PITPNC1: variants seen among roughly 807,000 people sequenced by gnomAD.
PITPNC1 encodes the protein phosphatidylinositol transfer protein cytoplasmic 1.
A neutral mutation model predicts 44.7 loss-of-function variants in PITPNC1; 18 were observed. The ratio of observed to expected loss-of-function variants is 0.40; its 90% confidence interval spans 0.28 to 0.60. The LOEUF is 0.60. PITPNC1 is among the 20% of genes least tolerant of loss of function. The pLI is 0.39. For missense variants in PITPNC1, 290 were observed against 418.4 expected, an observed-to-expected ratio of 0.69 and a Z score of 2.68; for synonymous variants, 141 against 149.6, an observed-to-expected ratio of 0.94 and a Z score of 0.42.
intron 5 of PITPNC1, among the ~76,000 whole-genome samples, chr17:67,618,327 T>C (rs1254896780): frequency 1.7e-5 from 2 of 120,006 alleles, no homozygotes; most frequent in Non-Finnish European, 3.2e-5. Context: ...ATCGCGCCAC[T>C]GCACTCCAGC....
chr17:67,570,126 C>T (rs1054021781), intron 4 of PITPNC1, among the ~76,000 whole-genome samples: 9 of 152,168 alleles, frequency 5.9e-5, no homozygotes, highest in African/African-American at 2.2e-4. Context: ...CTTCTTTGAG[C>T]CTTGGTTTTG....
chr17:67,387,674 A>G lies in PITPNC1; in HGVS notation c.48+9472A>G, dbSNP rs562911853. 4.6e-5 allele frequency among the ~76,000 whole-genome samples: 7 copies of G among 152,352 alleles called. No individual in the cohort carries two copies. The East Asian group carries it at 1.3e-3, about 29-fold the overall frequency. ...GCGAAACTCTGTCTCAAAATAAAAT[A>G]TAAAATAAAATAATCTTTTCCTTAA... On this transcript the variant is annotated intron_variant, in intron 1 of 8. Transcript: ENST00000581322.
At chr17:67,632,293 A>G in intron 6 of PITPNC1, 55 bp downstream of exon 6, 1 of 1,147,328 alleles carries the variant, frequency 8.7e-7, no homozygotes, top group Non-Finnish European at 1.3e-6. Flanking sequence ...TCATTCCACA[A>G]CTATTTCTTA....
chr17:67,645,387 C>A (rs2042137800), intron 6 of PITPNC1, among the ~76,000 whole-genome samples: 1 of 149,832 alleles, frequency 6.7e-6, no homozygotes, highest in Non-Finnish European at 1.5e-5. Flanking sequence ...TTTTGATTGA[C>A]ACATTGAGGA....
chr17:67,547,941 A>C (rs1167813907), intron 2 of PITPNC1, among the ~76,000 whole-genome samples: 1 of 152,016 alleles, frequency 6.6e-6, no homozygotes, highest in East Asian at 1.9e-4. Flanking sequence ...TTTGGGCTGG[A>C]TCTTTATTTG....
In PITPNC1 at chr17:67,696,537, G is replaced by T. The variant is rs1344540622; in HGVS notation, c.*3649G>T. ...CCTTTCTGATCATCTGACTCAGTAG[G>T]CTAGGAGACAATCTGTCATCTGAGC... On this transcript the variant is annotated 3_prime_UTR_variant, in exon 9 of 9. Transcript: ENST00000581322. The T allele has an allele frequency of 6.6e-6, 1 of 152,186 alleles. No homozygotes were observed. Among genetic ancestry groups the T allele is most frequent in the Admixed American group, 6.5e-5 (1 of 15,272 alleles). The allele number at this position is 152,186 out of a possible 1,614,324, so 9.4% of individuals were successfully genotyped here.
chr17:67,579,362 G>A (rs375881032), intron 5 of PITPNC1, among the ~76,000 whole-genome samples: 47 of 152,136 alleles, frequency 3.1e-4, no homozygotes, highest in Admixed American at 1.2e-3. Context: ...TAGAAGCTTC[G>A]GGGCTTCCCC....
At chr17:67,425,405 TTTTC>T (rs1254504298) in intron 1 of PITPNC1, among the ~76,000 whole-genome samples, 22 of 151,954 alleles carry the variant, frequency 1.4e-4, no homozygotes, top group Admixed American at 1.3e-3. Context: ...TTTTTTTTTC[TTTTC>T]TTTCTTCTTC....
chr17:67,488,267 G>T (rs2039811327), intron 1 of PITPNC1, among the ~76,000 whole-genome samples: 1 of 152,174 alleles, frequency 6.6e-6, no homozygotes, highest in East Asian at 1.9e-4. Context: ...TCAACACTTG[G>T]CTCATCCTAG....
At chr17:67,525,626 G>GA (rs1353290244) in intron 1 of PITPNC1, among the ~76,000 whole-genome samples, 2 of 152,154 alleles carry the variant, frequency 1.3e-5, no homozygotes, top group Non-Finnish European at 2.9e-5. Flanking sequence ...CACTTGGCAT[G>GA]AAGCAACGGT....
chr17:67,567,300 A>G (rs1015439673), intron 4 of PITPNC1, among the ~76,000 whole-genome samples: 1 of 152,064 alleles, frequency 6.6e-6, no homozygotes, highest in African/African-American at 2.4e-5. Flanking sequence ...CCTGGCTAAC[A>G]TGGTAAACCC....
intron 1 of PITPNC1, among the ~76,000 whole-genome samples, chr17:67,461,342 GC>G (rs1297155206): frequency 1.3e-5 from 2 of 152,234 alleles, no homozygotes; most frequent in Non-Finnish European, 2.9e-5. Context: ...CCATAGAATA[GC>G]ACGGGACAAT....
rs576837463 is a variant in PITPNC1 at position 67,520,176 on chromosome 17, A to G, written c.49-12626A>G. Among the ~76,000 whole-genome samples the G allele has an allele frequency of 1.8e-4, 28 of 152,266 alleles. 1 individual carries two copies. The South Asian group carries it at 4.8e-3, about 26-fold the overall frequency. ...AGGGTTGATGGGTGCATTAGGCTTCACAAACAACGGTTCTTTTCATCCTGG... is the reference window on the plus strand; with the variant it reads ...AGGGTTGATGGGTGCATTAGGCTTCGCAAACAACGGTTCTTTTCATCCTGG... On this transcript the variant is annotated intron_variant, in intron 1 of 8. Coordinates refer to ENST00000581322, the MANE Select transcript of PITPNC1 (RefSeq NM_012417.4).
rs144493827 is a variant in PITPNC1, at chr17:67,469,923, T to C, written c.49-62879T>C. On this transcript the variant is annotated intron_variant, in intron 1 of 8. Coordinates refer to ENST00000581322, the MANE Select transcript of PITPNC1 (RefSeq NM_012417.4). Reference sequence around the variant, plus strand: ...ATATATATATGTGTGTGTATATGTATATATATAATTTTTTTTTGAGACAGA... The same window carrying C: ...ATATATATATGTGTGTGTATATGTACATATATAATTTTTTTTTGAGACAGA... Among the ~76,000 whole-genome samples, 183 of 152,210 alleles carry C rather than the reference T, an allele frequency of 1.2e-3. 3 individuals carry two copies. The East Asian group carries it at 0.012, about 10-fold the overall frequency.
intron 1 of PITPNC1, among the ~76,000 whole-genome samples, chr17:67,482,144 C>G (rs1370976082): frequency 6.6e-6 from 1 of 152,176 alleles, no homozygotes; most frequent in Non-Finnish European, 1.5e-5. Flanking sequence ...CGTTAGCTGT[C>G]ATTTATTGTA....
intron 6 of PITPNC1, among the ~76,000 whole-genome samples, chr17:67,655,558 CAAAAAAAAAAAAA>C (rs796111267): frequency 4.8e-5 from 2 of 42,076 alleles, no homozygotes; most frequent in African/African-American, 7.8e-5. Context: ...AGACTCATCT[CAAAAAAAAAAAAA>C]AAAAAAAAAA....
chr17:67,673,951 AGCGAGACTCCG>A (rs1414557785), intron 7 of PITPNC1, among the ~76,000 whole-genome samples: 1 of 140,174 alleles, frequency 7.1e-6, no homozygotes, highest in African/African-American at 2.7e-5. Context: ...TAGGGGACAG[AGCGAGACTCCG>A]TCTCAAAAAA....
chr17:67,647,464 G>GTTTTTTTTTTTT (rs60407940), intron 6 of PITPNC1, among the ~76,000 whole-genome samples: 23 of 72,358 alleles, frequency 3.2e-4, no homozygotes, highest in African/African-American at 9.0e-4. Flanking sequence ...CTAATTTTGG[G>GTTTTTTTTTTTT]TTTTTTTTTT....
At chr17:67,526,367 C>T (rs2040391612) in intron 1 of PITPNC1, among the ~76,000 whole-genome samples, 1 of 152,186 alleles carries the variant, frequency 6.6e-6, no homozygotes, top group Non-Finnish European at 1.5e-5. Context: ...TGTTGGCACT[C>T]ATTTGATAAT....
Sources: allele counts gnomAD v4.1 joint callset (sites outside exome capture counted in the v4.1 genomes callset), GRCh38; gene constraint gnomAD v4.1.1; transcripts MANE v1.5; gene names NCBI Gene and HGNC (gene_info 2026-07-23, HGNC 2026-07-21).